NRXN3: variants seen among roughly 807,000 people sequenced by gnomAD.
NRXN3 encodes the protein neurexin 3.
Under a neutral mutation model 137.6 loss-of-function variants are expected in NRXN3, and 32 were observed. The observed-to-expected ratio is 0.23, with a 90% CI of 0.18 to 0.31. The LOEUF is 0.31. Among genes scored for constraint, NRXN3 ranks in the 10% least tolerant of loss-of-function variants. NRXN3 has a pLI of 1.00. For synonymous variants in NRXN3, 798 were observed against 784.5 expected (o/e 1.02, Z -0.29); for missense variants, 1,574 against 2,062.5 (o/e 0.76, Z 4.59).
intron 16 of NRXN3, among the ~76,000 whole-genome samples, chr14:79,565,362 C>T (rs139282356): frequency 0.062 from 9,205 of 148,138 alleles, 965 homozygotes; most frequent in African/African-American, 0.21. Flanking sequence ...TATGTATACA[C>T]ACACACATAT....
At chr14:79,125,681 T>G (rs2056291644) in intron 15 of NRXN3, among the ~76,000 whole-genome samples, 1 of 152,172 alleles carries the variant, frequency 6.6e-6, no homozygotes, top group Non-Finnish European at 1.5e-5. Flanking sequence ...TTGGCCTCTA[T>G]ATACTTTACT....
At chr14:78,841,696 C>T (rs1277365210) in intron 10 of NRXN3, among the ~76,000 whole-genome samples, 1 of 151,924 alleles carries the variant, frequency 6.6e-6, no homozygotes, top group Non-Finnish European at 1.5e-5. Context: ...CTAGCAAAAG[C>T]CTAACACACA....
chr14:78,653,665 G>T (rs913368900), intron 6 of NRXN3, among the ~76,000 whole-genome samples: 2 of 150,052 alleles, frequency 1.3e-5, no homozygotes, highest in Non-Finnish European at 3.0e-5. Context: ...AAACACAAAG[G>T]TGTCTCTGAT....
At chr14:79,437,229 C>T (rs749934435) in intron 15 of NRXN3, among the ~76,000 whole-genome samples, 9 of 152,096 alleles carry the variant, frequency 5.9e-5, no homozygotes, top group South Asian at 2.1e-4. Flanking sequence ...TATACCTCAG[C>T]GCTTTCATGC....
At chr14:79,045,320 G>A (rs1403040260) in intron 15 of NRXN3, among the ~76,000 whole-genome samples, 2 of 152,266 alleles carry the variant, frequency 1.3e-5, no homozygotes, top group East Asian at 3.9e-4. Context: ...ATGACCGGGA[G>A]CAAGCCATAA....
At position 79,811,236 on chromosome 14, in the gene NRXN3, A is replaced by G. The variant is rs564479295; in HGVS notation, c.4093+6046A>G. ...TGATAAAAGGCTCAGATCCACTTAA[A>G]CACTTTGACCAAAGAGATAATGGAA... On this transcript the variant is annotated intron_variant, in intron 20 of 20. Coordinates refer to ENST00000335750, the MANE Select transcript of NRXN3 (RefSeq NM_001330195.2). 1.1e-3 allele frequency among the ~76,000 whole-genome samples: 164 copies of G among 152,352 alleles called. 2 individuals are homozygous for G. Among genetic ancestry groups the G allele is most frequent in the African/African-American group, 1.7e-3 (71 of 41,584 alleles).
chr14:79,581,758 C>G (rs1196628879), intron 16 of NRXN3, among the ~76,000 whole-genome samples: 1 of 152,050 alleles, frequency 6.6e-6, no homozygotes, highest in African/African-American at 2.4e-5. Flanking sequence ...TGTATGTGAT[C>G]GTTTACGTGG....
intron 16 of NRXN3, among the ~76,000 whole-genome samples, chr14:79,614,055 A>G (rs1237306781): frequency 6.6e-6 from 1 of 152,234 alleles, no homozygotes; most frequent in East Asian, 1.9e-4. Context: ...GACTGCCAGC[A>G]CAGTTATCTG....
chr14:78,314,930 T>TTC (rs2078450735), intron 4 of NRXN3, among the ~76,000 whole-genome samples: 4 of 113,118 alleles, frequency 3.5e-5, no homozygotes, highest in Admixed American at 8.6e-5. Flanking sequence ...TTTCTTTCTT[T>TTC]CTTTCTTTCT....
At chr14:79,504,659 A>ATATG (rs2096858260) in intron 16 of NRXN3, among the ~76,000 whole-genome samples, 4 of 142,244 alleles carry the variant, frequency 2.8e-5, no homozygotes, top group Admixed American at 1.4e-4. Context: ...ATATATGTAT[A>ATATG]TATATATATA....
chr14:79,710,951 G>GT (rs1244568132), intron 19 of NRXN3, among the ~76,000 whole-genome samples: 1 of 152,110 alleles, frequency 6.6e-6, no homozygotes, highest in South Asian at 2.1e-4. Flanking sequence ...TTGCAGCCCA[G>GT]TTTTTTACAA....
At chr14:79,499,957 G>GTGTGTGTGTGTGTGTGTGTA (rs2096804316) in intron 16 of NRXN3, among the ~76,000 whole-genome samples, 1 of 1,140 alleles carries the variant, frequency 8.8e-4, no homozygotes. Flanking sequence ...TCTTAGGGTC[G>GTGTGTGTGTGTGTGTGTGTA]TGTGTGTGTG....
intron 19 of NRXN3, among the ~76,000 whole-genome samples, chr14:79,778,396 A>G (rs142198269): frequency 0.016 from 2,417 of 152,318 alleles, 29 homozygotes; most frequent in South Asian, 0.039. Flanking sequence ...AGCCTGGGCA[A>G]TAGAGTGAGA....
At chr14:79,846,790 C>G (rs2099375882) in intron 20 of NRXN3, among the ~76,000 whole-genome samples, 2 of 152,126 alleles carry the variant, frequency 1.3e-5, no homozygotes, top group African/African-American at 4.8e-5. Flanking sequence ...ATAGTGTCTT[C>G]TTGCTTACTT....
At chr14:78,602,947 G>T (rs1000623398) in intron 4 of NRXN3, among the ~76,000 whole-genome samples, 1 of 152,172 alleles carries the variant, frequency 6.6e-6, no homozygotes, top group African/African-American at 2.4e-5. Flanking sequence ...GAGAGTGTCA[G>T]GAGCCTGCAG....
intron 10 of NRXN3, among the ~76,000 whole-genome samples, chr14:78,846,345 C>G (rs1332397795): frequency 6.6e-6 from 1 of 152,036 alleles, no homozygotes. Context: ...GCTGTGTTTT[C>G]TTTTATACCT....
At chr14:79,247,920 C>T (rs1294377624) in intron 15 of NRXN3, among the ~76,000 whole-genome samples, 4 of 152,012 alleles carry the variant, frequency 2.6e-5, no homozygotes, top group Non-Finnish European at 5.9e-5. Context: ...TCTAAATTCA[C>T]ATTTCACCAC....
chr14:79,646,501 T>C (rs1418170949), intron 16 of NRXN3, among the ~76,000 whole-genome samples: 4 of 135,966 alleles, frequency 2.9e-5, no homozygotes, highest in African/African-American at 9.8e-5. Context: ...CTTTCAGCAG[T>C]CAGCAGAAGC....
chr14:79,028,686 A>G (rs1217951738), intron 15 of NRXN3, among the ~76,000 whole-genome samples: 1 of 152,136 alleles, frequency 6.6e-6, no homozygotes, highest in African/African-American at 2.4e-5. Flanking sequence ...AGGTTTCTAC[A>G]GTGGAGGAGA....
Sources: gnomAD v4.1 joint callset for allele counts (sites outside exome capture counted in the v4.1 genomes callset) on GRCh38, gnomAD v4.1.1 for gene constraint, MANE v1.5 for transcripts, NCBI Gene and HGNC (gene_info 2026-07-23, HGNC 2026-07-21) for gene names.